PPARGC1A: variants seen among roughly 807,000 people sequenced by gnomAD.
PPARGC1A encodes the protein peroxisome proliferator-activated receptor gamma coactivator 1-alpha.
PPARGC1A carries 25 observed loss-of-function variants against 88.7 expected under a neutral mutation model. The observed-to-expected ratio is 0.28, with a 90% confidence interval of 0.21 to 0.39. The LOEUF is 0.39. Among genes scored for constraint, PPARGC1A ranks in the 10% least tolerant of loss-of-function variants. PPARGC1A has a pLI of 1.00. For missense variants in PPARGC1A, 880 were observed against 968.7 expected, an observed-to-expected ratio of 0.91 and a Z score of 1.22; for synonymous variants, 363 against 355.6, an observed-to-expected ratio of 1.02 and a Z score of -0.24.
the PPARGC1A span, among the ~76,000 whole-genome samples, chr4:24,443,711 A>G: frequency 1.4e-5 from 2 of 146,610 alleles, no homozygotes; most frequent in Non-Finnish European, 3.0e-5. Flanking sequence ...GCCTGCCACC[A>G]TGCCCGGCTA....
the PPARGC1A span, among the ~76,000 whole-genome samples, chr4:24,064,639 G>GA: frequency 6.6e-6 from 1 of 152,074 alleles, no homozygotes; most frequent in Non-Finnish European, 1.5e-5. Context: ...TCCTCCCCCA[G>GA]AAACCCCCAG....
chr4:24,066,291 T>C, the PPARGC1A span, among the ~76,000 whole-genome samples: 2 of 151,972 alleles, frequency 1.3e-5, no homozygotes, highest in African/African-American at 4.8e-5. Flanking sequence ...GCAAGTAAAA[T>C]AGTCATTTGT....
At chr4:24,373,803 A>C in the PPARGC1A span, among the ~76,000 whole-genome samples, 480 of 152,334 alleles carry the variant, frequency 3.2e-3, 6 homozygotes, top group African/African-American at 0.011. Context: ...ATAGCAAGTA[A>C]TCTGCTGTCT....
chr4:24,304,731 T>C, the PPARGC1A span, among the ~76,000 whole-genome samples: 23 of 152,260 alleles, frequency 1.5e-4, no homozygotes, highest in African/African-American at 4.6e-4. Context: ...TTAAAAAGTA[T>C]ACCAAAACAA....
intron 2 of PPARGC1A, among the ~76,000 whole-genome samples, chr4:23,852,106 A>G (rs1383804488): frequency 6.6e-6 from 1 of 152,122 alleles, no homozygotes; most frequent in Non-Finnish European, 1.5e-5. Context: ...CTGTTCCATT[A>G]CAATTAATCC....
At chr4:23,890,268 T>A, upstream of PPARGC1A, 1 of 339,520 alleles carries the variant, frequency 2.9e-6, no homozygotes, top group Non-Finnish European at 4.9e-6. Context: ...AAGGAAACAC[T>A]TAGACTTTTG....
chr4:23,915,149 A>C, the PPARGC1A span, among the ~76,000 whole-genome samples: 1 of 152,166 alleles, frequency 6.6e-6, no homozygotes, highest in Non-Finnish European at 1.5e-5. Flanking sequence ...TGGTTTTTTA[A>C]TGTTTAAAAT....
chr4:24,167,682 A>G, the PPARGC1A span, among the ~76,000 whole-genome samples: 1 of 152,154 alleles, frequency 6.6e-6, no homozygotes, highest in East Asian at 1.9e-4. Context: ...CCACCACCAA[A>G]AAGAGTACAA....
At chr4:24,445,060 A>AAG in the PPARGC1A span, among the ~76,000 whole-genome samples, 15 of 151,168 alleles carry the variant, frequency 9.9e-5, no homozygotes, top group South Asian at 6.3e-4. Flanking sequence ...CTCAAAAAAA[A>AAG]AGAGAGAGAG....
the PPARGC1A span, among the ~76,000 whole-genome samples, chr4:23,993,362 G>A: frequency 6.6e-6 from 1 of 152,134 alleles, no homozygotes; most frequent in Non-Finnish European, 1.5e-5. Flanking sequence ...AATGAAGACA[G>A]AGTAGAAAGT....
At chr4:24,320,307 A>T in the PPARGC1A span, among the ~76,000 whole-genome samples, 2 of 152,148 alleles carry the variant, frequency 1.3e-5, no homozygotes, top group African/African-American at 4.8e-5. Context: ...CTCCTTTTTT[A>T]TTCTAGAATA....
At chr4:23,979,191 CA>C in the PPARGC1A span, among the ~76,000 whole-genome samples, 1 of 152,052 alleles carries the variant, frequency 6.6e-6, no homozygotes, top group Non-Finnish European at 1.5e-5. Context: ...AAGAAGATAA[CA>C]CTGTCATATT....
the PPARGC1A span, among the ~76,000 whole-genome samples, chr4:24,014,769 C>G: frequency 6.6e-6 from 1 of 152,126 alleles, no homozygotes; most frequent in African/African-American, 2.4e-5. Flanking sequence ...AAAGCTTTCA[C>G]CTGATTAACT....
chr4:23,831,355 G>A, intron 3 of PPARGC1A: 1 of 423,476 alleles, frequency 2.4e-6, no homozygotes, highest in Non-Finnish European at 4.2e-6. Flanking sequence ...AAAAAAAACT[G>A]CAATAAGACT....
chr4:23,812,925 A>G (rs962135458), intron 9 of PPARGC1A, 58 bp from the exon 10 acceptor site: 1 of 1,613,360 alleles, frequency 6.2e-7, no homozygotes, highest in Admixed American at 1.7e-5. Context: ...AGCAAAATGA[A>G]TAATAATATG....
chr4:24,288,134 C>T, the PPARGC1A span, among the ~76,000 whole-genome samples: 1 of 152,138 alleles, frequency 6.6e-6, no homozygotes, highest in Non-Finnish European at 1.5e-5. Context: ...CTCTGAGTAG[C>T]TTTACTGTTA....
chr4:23,921,203 C>T, the PPARGC1A span, among the ~76,000 whole-genome samples: 6 of 152,184 alleles, frequency 3.9e-5, no homozygotes, highest in African/African-American at 1.4e-4. Flanking sequence ...CACAATTAAA[C>T]TCTTTAAGAC....
At chr4:24,307,305 T>C in the PPARGC1A span, among the ~76,000 whole-genome samples, 4 of 152,242 alleles carry the variant, frequency 2.6e-5, no homozygotes, top group African/African-American at 9.6e-5. Flanking sequence ...ACCCTTGGAA[T>C]ACAAAAATTG....
At chr4:24,022,390 G>T in the PPARGC1A span, among the ~76,000 whole-genome samples, 5 of 151,846 alleles carry the variant, frequency 3.3e-5, no homozygotes, top group Non-Finnish European at 4.4e-5. Context: ...AGCGCTCACT[G>T]CCTCCCCACA....
Sources: allele counts gnomAD v4.1 joint callset (sites outside exome capture counted in the v4.1 genomes callset), GRCh38; gene constraint gnomAD v4.1.1; transcripts MANE v1.5; gene names NCBI Gene and HGNC (gene_info 2026-07-23, HGNC 2026-07-21).